Variants in CHCHD6 observed in about 807,000 individuals in gnomAD.
The protein encoded by CHCHD6 is MICOS complex subunit MIC25.
In CHCHD6, 28 loss-of-function variants were observed where a neutral mutation model predicts 32.3. The ratio of observed to expected loss-of-function variants is 0.87; its 90% CI spans 0.64 to 1.19. The LOEUF is 1.19. Ranked by LOEUF, CHCHD6 falls within the 50% of genes most tolerant of loss-of-function variation. The probability of loss-of-function intolerance (pLI) is 0.00; values close to 1 mark genes in which losing one functional copy is unlikely to be tolerated. For missense variants in CHCHD6, 333 were observed against 307.0 expected (o/e 1.08, Z -0.63); for synonymous variants, 122 against 117.5 (o/e 1.04, Z -0.25).
intron 4 of CHCHD6, among the ~76,000 whole-genome samples, chr3:126,798,235 C>T (rs138613194): frequency 1.4e-3 from 214 of 152,156 alleles, no homozygotes; most frequent in East Asian, 4.1e-3. Flanking sequence ...GTGAGATCTC[C>T]GCTTCATCTC....
At chr3:126,882,953 G>T (rs1234048077) in intron 5 of CHCHD6, among the ~76,000 whole-genome samples, 3 of 152,236 alleles carry the variant, frequency 2.0e-5, no homozygotes, top group Admixed American at 1.3e-4. Context: ...ACAGATGCAG[G>T]ATTCGAGGGT....
chr3:126,923,143 G>T (rs745646510), intron 6 of CHCHD6, among the ~76,000 whole-genome samples: 3 of 151,076 alleles, frequency 2.0e-5, no homozygotes, highest in Non-Finnish European at 2.9e-5. Flanking sequence ...TGGCATCCAA[G>T]GTGAAACCCA....
intron 5 of CHCHD6, among the ~76,000 whole-genome samples, chr3:126,861,706 T>A: frequency 2.1e-5 from 1 of 46,968 alleles, no homozygotes; most frequent in Admixed American, 2.5e-4. Context: ...CACCTCCCCC[T>A]CCACGACCAT....
intron 5 of CHCHD6, among the ~76,000 whole-genome samples, chr3:126,899,275 TC>T (rs1406607756): frequency 6.6e-6 from 1 of 152,210 alleles, no homozygotes; most frequent in Non-Finnish European, 1.5e-5. Context: ...TTTTCCTTAT[TC>T]CTATCCTGGT....
At chr3:126,759,588 C>T (rs1937087359) in intron 4 of CHCHD6, among the ~76,000 whole-genome samples, 2 of 152,078 alleles carry the variant, frequency 1.3e-5, no homozygotes, top group Non-Finnish European at 2.9e-5. Flanking sequence ...CTCTATAAAA[C>T]CACTTGGATT....
intron 4 of CHCHD6, among the ~76,000 whole-genome samples, chr3:126,838,576 TGGAA>T (rs1343138954): frequency 1.3e-5 from 2 of 152,172 alleles, no homozygotes; most frequent in African/African-American, 4.8e-5. Flanking sequence ...GCCAACCTCA[TGGAA>T]TGGTGTGCAC....
chr3:126,819,813 A>T, intron 4 of CHCHD6, among the ~76,000 whole-genome samples: 1 of 152,384 alleles, frequency 6.6e-6, no homozygotes, highest in East Asian at 1.9e-4. Flanking sequence ...GAAAGGCAGC[A>T]TGCCTGGGTT....
At chr3:126,909,924 C>T (rs916155861) in intron 5 of CHCHD6, among the ~76,000 whole-genome samples, 3 of 152,186 alleles carry the variant, frequency 2.0e-5, no homozygotes, top group Non-Finnish European at 4.4e-5. Flanking sequence ...CGAGAACTGA[C>T]GGCCTAGCCG....
chr3:126,959,612 C>T (rs2078831897), intron 7 of CHCHD6, among the ~76,000 whole-genome samples: 2 of 152,242 alleles, frequency 1.3e-5, no homozygotes, highest in South Asian at 4.1e-4. Flanking sequence ...CACTGCTTCT[C>T]TCTCCAGGAT....
chr3:126,819,006 C>T (rs560667358), intron 4 of CHCHD6, among the ~76,000 whole-genome samples: 314 of 152,304 alleles, frequency 2.1e-3, no homozygotes, highest in African/African-American at 7.3e-3. Context: ...ATGATAGCAG[C>T]AGCCCCTGTT....
At chr3:126,766,775 G>T in intron 4 of CHCHD6, 1 of 1,128,282 alleles carries the variant, frequency 8.9e-7, no homozygotes, top group Non-Finnish European at 1.4e-6. Flanking sequence ...GTGGCCCCCT[G>T]GAAAAACAGA....
At chr3:126,930,236 A>G (rs780767858) in intron 6 of CHCHD6, among the ~76,000 whole-genome samples, 4 of 152,232 alleles carry the variant, frequency 2.6e-5, no homozygotes, top group Non-Finnish European at 5.9e-5. Flanking sequence ...ACTCCAAACC[A>G]GCCTCTTTAT....
At chr3:126,926,423 A>G (rs1024898724) in intron 6 of CHCHD6, among the ~76,000 whole-genome samples, 4 of 152,130 alleles carry the variant, frequency 2.6e-5, no homozygotes, top group Non-Finnish European at 5.9e-5. Flanking sequence ...TGAGGAAAGC[A>G]CTCCCACAAC....
chr3:126,789,532 A>T (rs1938413388), intron 4 of CHCHD6, among the ~76,000 whole-genome samples: 1 of 152,152 alleles, frequency 6.6e-6, no homozygotes, highest in Non-Finnish European at 1.5e-5. Flanking sequence ...TATATTTAGG[A>T]TAGTTAGCTC....
chr3:126,802,333 G>A (rs1251757276), intron 4 of CHCHD6, among the ~76,000 whole-genome samples: 2 of 152,318 alleles, frequency 1.3e-5, no homozygotes, highest in East Asian at 3.9e-4. Context: ...TTAGACGAAT[G>A]TATAACTAGA....
chr3:126,754,475 T>C (rs1390537932), intron 4 of CHCHD6, among the ~76,000 whole-genome samples: 3 of 152,202 alleles, frequency 2.0e-5, no homozygotes, highest in African/African-American at 7.2e-5. Context: ...TGGACATCTG[T>C]GCCAGAACAC....
chr3:126,770,238 T>C (rs951114736), intron 4 of CHCHD6, among the ~76,000 whole-genome samples: 1 of 152,176 alleles, frequency 6.6e-6, no homozygotes, highest in Non-Finnish European at 1.5e-5. Context: ...TCAGGGAGCT[T>C]TGGGCAGAGA....
intron 4 of CHCHD6, among the ~76,000 whole-genome samples, chr3:126,754,479 A>G (rs555059528): frequency 6.6e-6 from 1 of 152,336 alleles, no homozygotes. Flanking sequence ...CATCTGTGCC[A>G]GAACACCCAG....
intron 4 of CHCHD6, among the ~76,000 whole-genome samples, chr3:126,735,171 C>T (rs1450647191): frequency 6.6e-6 from 1 of 152,154 alleles, no homozygotes; most frequent in Non-Finnish European, 1.5e-5. Context: ...TTGGCCTCCT[C>T]TAGAGGTGGA....
Sources: gnomAD v4.1 joint callset for allele counts (sites outside exome capture counted in the v4.1 genomes callset) on GRCh38, gnomAD v4.1.1 for gene constraint, MANE v1.5 for transcripts, NCBI Gene and HGNC (gene_info 2026-07-23, HGNC 2026-07-21) for gene names.